SDR42E2: variants seen among roughly 807,000 people sequenced by gnomAD.
SDR42E2 encodes the protein short chain dehydrogenase/reductase family 42E, member 2, also known as putative short-chain dehydrogenase/reductase family 42E member 2.
In SDR42E2, 20 loss-of-function variants were observed where a neutral mutation model predicts 10.5. That is an observed-to-expected ratio of 1.90 (90% CI 1.34 to 2.77). The LOEUF is 2.77. Ranked by LOEUF, SDR42E2 falls within the 30% of genes most tolerant of loss-of-function variation. The probability of loss-of-function intolerance (pLI) is 0.00; values close to 1 mark genes in which losing one functional copy is unlikely to be tolerated. For synonymous variants in SDR42E2, 72 were observed against 39.2 expected (o/e 1.84, Z -3.12); for missense variants, 162 against 104.2 (o/e 1.55, Z -2.42).
In SDR42E2 at chr16:22,173,903, GTGTATA is replaced by G. The variant is rs899036311; in HGVS notation, c.589+1574_589+1579del. Among the ~76,000 whole-genome samples, 46 of 112,780 alleles carry G rather than the reference GTGTATA, an allele frequency of 4.1e-4. 2 individuals carry two copies. The highest frequency in any genetic ancestry group is 1.3e-3 in the African/African-American group (38 of 28,668). 74.0% of individuals were successfully genotyped at this position (112,780 alleles called of 152,430 possible). On this transcript the variant is annotated intron_variant, in intron 7 of 12. Transcript: ENST00000602312. ...ATGGGCTACGTATATATATGTGTGT[GTGTATA>G]TATATATATATATATATATAGCTTT...
At position 22,162,516 on chromosome 16, in the gene SDR42E2, A is replaced by C. The variant is rs543240122; in HGVS notation, c.-85A>C. On this transcript the variant is annotated 5_prime_UTR_variant, in exon 1 of 13. Transcript: ENST00000602312. ...TGGCCCGGTGGCCCTGGCGGCGCGG[A>C]GACTGGCGCAGCGCGGGGAGCACGC... Among the ~76,000 whole-genome samples the C allele has an allele frequency of 4.0e-5, 6 of 149,498 alleles. No individual in the cohort carries two copies. The highest frequency in any genetic ancestry group is 1.5e-4 in the African/African-American group (6 of 41,078).
At chr16:22,182,556 C>T (rs1259300174) in intron 10 of SDR42E2, among the ~76,000 whole-genome samples, 1 of 152,084 alleles carries the variant, frequency 6.6e-6, no homozygotes, top group Non-Finnish European at 1.5e-5. Flanking sequence ...CCATGTTTGC[C>T]AGGCTGGTCT....
Position 22,165,635 on chromosome 16 carries a change from AGG to A in SDR42E2, c.55_55+1del, listed in dbSNP as rs2046528527. The A allele has an allele frequency of 7.5e-6, 3 of 401,476 alleles. No individual in the cohort carries two copies. The highest frequency in any genetic ancestry group is 2.5e-4 in the South Asian group (2 of 7,980). 24.9% of individuals were successfully genotyped at this position (401,476 alleles called of 1,614,324 possible). On this transcript the variant is annotated frameshift_variant and splice_region_variant, in exon 2 of 13. Transcript: ENST00000602312. LOFTEE classifies it high-confidence loss of function. ...CTAGAGGCCTGCAAAGCTGCAGGCC[AGG>A]GTGAGAAGAGCTGCCCTGTCTGCCA...
Position 22,165,647 on chromosome 16 carries a change from G to T in SDR42E2, c.55+10G>T. The T allele has an allele frequency of 2.5e-6, 1 of 401,720 alleles. No individual in the cohort carries two copies. 24.9% of individuals were successfully genotyped at this position (401,720 alleles called of 1,614,324 possible). A position where few individuals can be genotyped will look rare whatever the true frequency, so the allele number is the denominator to read the frequency against. ...AAAGCTGCAGGCCAGGGTGAGAAGA[G>T]CTGCCCTGTCTGCCAGGCCTGTGGA... On this transcript the variant is annotated intron_variant, in intron 2 of 12. Transcript: ENST00000602312.
chr16:22,183,904 G>C, intron 10 of SDR42E2, among the ~76,000 whole-genome samples: 1 of 147,970 alleles, frequency 6.8e-6, no homozygotes, highest in Non-Finnish European at 1.5e-5. Context: ...AGACCAGCCT[G>C]AGCAACACAT....
intron 12 of SDR42E2, among the ~76,000 whole-genome samples, chr16:22,189,185 T>C (rs926369643): frequency 6.6e-6 from 1 of 152,128 alleles, no homozygotes; most frequent in African/African-American, 2.4e-5. Context: ...TCACCCCCCA[T>C]TAAGCATCCA....
chr16:22,171,689 C>T (rs767928494), intron 6 of SDR42E2, among the ~76,000 whole-genome samples: 3 of 152,112 alleles, frequency 2.0e-5, no homozygotes, highest in Admixed American at 1.3e-4. Context: ...TGCGCCACCA[C>T]GCCCAGCTAA....
chr16:22,172,968 A>G (rs879881062), intron 7 of SDR42E2, among the ~76,000 whole-genome samples: 8 of 152,110 alleles, frequency 5.3e-5, no homozygotes, highest in Middle Eastern at 6.8e-3. Flanking sequence ...TTTTGTAGAG[A>G]TGGGGTCTCA....
chr16:22,181,349 TGA>T (rs1381844389), intron 8 of SDR42E2, among the ~76,000 whole-genome samples, 168 bp from the exon 9 acceptor site: 1 of 152,114 alleles, frequency 6.6e-6, no homozygotes, highest in Non-Finnish European at 1.5e-5. Flanking sequence ...CTGGTGAGTT[TGA>T]GTTTTCTGTT....
chr16:22,176,921 G>C (rs1266776051), intron 7 of SDR42E2, among the ~76,000 whole-genome samples: 1 of 152,228 alleles, frequency 6.6e-6, no homozygotes, highest in Admixed American at 6.5e-5. Flanking sequence ...AAGGGGTACA[G>C]ACCCCGGCTC....
At chr16:22,181,068 G>A (rs1260782252) in intron 8 of SDR42E2, among the ~76,000 whole-genome samples, 1 of 152,210 alleles carries the variant, frequency 6.6e-6, no homozygotes, top group East Asian at 1.9e-4. Flanking sequence ...AGGGGCTGAG[G>A]GTGGACAGAG....
At chr16:22,165,831 A>G (rs989916792) in intron 2 of SDR42E2, among the ~76,000 whole-genome samples, 194 bp downstream of exon 2, 9 of 152,120 alleles carry the variant, frequency 5.9e-5, no homozygotes, top group African/African-American at 2.2e-4. Flanking sequence ...GGACTGGACC[A>G]GGTCTAGGGC....
At chr16:22,182,424 T>C (rs558177766) in intron 10 of SDR42E2, 147 bp downstream of exon 10, 10 of 387,472 alleles carry the variant, frequency 2.6e-5, no homozygotes, top group Middle Eastern at 4.9e-4. Flanking sequence ...CTCAGCTCAC[T>C]GCAACCTCCC....
intron 7 of SDR42E2, among the ~76,000 whole-genome samples, chr16:22,173,315 G>A (rs1045376319): frequency 6.6e-6 from 1 of 152,078 alleles, no homozygotes; most frequent in Non-Finnish European, 1.5e-5. Flanking sequence ...TGCCTCCTGG[G>A]TTCAATAGAT....
intron 12 of SDR42E2, 64 bp downstream of exon 12, chr16:22,186,858 C>G: frequency 2.5e-6 from 1 of 399,420 alleles, no homozygotes; most frequent in Admixed American, 4.4e-5. Context: ...TACCTCTCCC[C>G]ACCATCCCCA....
chr16:22,170,310 C>T (rs371383063), intron 5 of SDR42E2, among the ~76,000 whole-genome samples: 18 of 152,022 alleles, frequency 1.2e-4, no homozygotes, highest in Middle Eastern at 3.4e-3. Flanking sequence ...GCCGAGATCG[C>T]GCCATTGCAC....
At chr16:22,180,615 A>G (rs2046684464) in intron 8 of SDR42E2, among the ~76,000 whole-genome samples, 1 of 152,120 alleles carries the variant, frequency 6.6e-6, no homozygotes, top group Non-Finnish European at 1.5e-5. Context: ...AGGCAGGAGG[A>G]TCGCTTGAGC....
intron 7 of SDR42E2, among the ~76,000 whole-genome samples, chr16:22,173,861 A>T (rs2046620458): frequency 6.9e-6 from 1 of 145,238 alleles, no homozygotes; most frequent in South Asian, 2.2e-4. Context: ...GTCTGTACAA[A>T]ATATATATAT....
chr16:22,175,767 T>C (rs1258840235), intron 7 of SDR42E2, among the ~76,000 whole-genome samples: 1 of 151,596 alleles, frequency 6.6e-6, no homozygotes, highest in Non-Finnish European at 1.5e-5. Context: ...CTGAGGTGGG[T>C]GGATCACCTG....
Sources: gnomAD v4.1 joint callset for allele counts (sites outside exome capture counted in the v4.1 genomes callset) on GRCh38, gnomAD v4.1.1 for gene constraint, MANE v1.5 for transcripts, NCBI Gene and HGNC (gene_info 2026-07-23, HGNC 2026-07-21) for gene names.